Variants in NUP98 observed in about 807,000 individuals in gnomAD.
The protein encoded by NUP98 is nucleoporin 98 and 96 precursor.
A neutral mutation model predicts 191.9 loss-of-function variants in NUP98; 26 were observed. The observed-to-expected ratio is 0.14, with a 90% confidence interval of 0.10 to 0.19. NUP98 has a LOEUF of 0.19. NUP98 is among the 10% of genes least tolerant of loss of function. The probability of loss-of-function intolerance (pLI) is 1.00; values close to 1 mark genes in which losing one functional copy is unlikely to be tolerated. For missense variants in NUP98, 1,941 were observed against 2,178.8 expected (o/e 0.89, Z 2.17); for synonymous variants, 808 against 778.4 (o/e 1.04, Z -0.63).
Position 3,675,745 on chromosome 11 carries a change from A to G in NUP98, c.*414T>C, listed in dbSNP as rs1022067874. 5 of 302,536 alleles carry G rather than the reference A, an allele frequency of 1.7e-5. No individual in the cohort carries two copies. The highest frequency in any genetic ancestry group is 9.3e-5 in the Admixed American group (2 of 21,592). The allele number at this position is 302,536 out of a possible 1,614,324, so 18.7% of individuals were successfully genotyped here. ...GTTCATCTGTTAAGGATCCATTATCACCTGTCTCACTCCTCCTAAGGAGTC... is the reference window on the plus strand; with the variant it reads ...GTTCATCTGTTAAGGATCCATTATCGCCTGTCTCACTCCTCCTAAGGAGTC... On this transcript the variant is annotated 3_prime_UTR_variant, in exon 33 of 33. Transcript: ENST00000324932.
At chr11:3,747,071 G>A (rs7101445) in intron 11 of NUP98, among the ~76,000 whole-genome samples, 4 of 151,964 alleles carry the variant, frequency 2.6e-5, no homozygotes, top group East Asian at 1.9e-4. Flanking sequence ...AATGAAAGAA[G>A]TAATGGTCCA....
intron 1 of NUP98, among the ~76,000 whole-genome samples, chr11:3,793,913 G>A (rs938526358): frequency 6.6e-6 from 1 of 152,074 alleles, no homozygotes; most frequent in African/African-American, 2.4e-5. Flanking sequence ...AGGTTGCGGT[G>A]AGCCAAGATC....
intron 1 of NUP98, among the ~76,000 whole-genome samples, chr11:3,791,349 A>G (rs2082340824): frequency 6.6e-6 from 1 of 151,160 alleles, no homozygotes; most frequent in African/African-American, 2.4e-5. Flanking sequence ...CCTGGCCAAC[A>G]TGGTGAAACC....
intron 12 of NUP98, among the ~76,000 whole-genome samples, chr11:3,741,949 G>C (rs1316905221): frequency 1.3e-5 from 2 of 152,184 alleles, no homozygotes; most frequent in African/African-American, 4.8e-5. Flanking sequence ...TCAAAGGTTA[G>C]CCTTCATATT....
intron 31 of NUP98, among the ~76,000 whole-genome samples, chr11:3,677,153 T>C (rs562398810): frequency 5.1e-4 from 77 of 152,220 alleles, no homozygotes; most frequent in African/African-American, 1.8e-3. Context: ...ACAAGCCATG[T>C]AGATAATTTA....
rs769633762 is a variant in NUP98 at position 3,679,494 on chromosome 11, C to G, written c.5073+60G>C. 1.1e-5 allele frequency: 18 copies of G among 1,587,250 alleles called. No homozygotes were observed. The Admixed American group carries it at 2.0e-4, about 18-fold the overall frequency. ...TGTATACTAAGGCCTTGTGAGGTAT[C>G]TGAAGATTTAAGGGCCTGAGAAAAG... On this transcript the variant is annotated intron_variant, in intron 31 of 32. Coordinates refer to ENST00000324932, the MANE Select transcript of NUP98 (RefSeq NM_016320.5).
intron 2 of NUP98, chr11:3,781,503 A>C (rs1363956745): frequency 1.3e-4 from 19 of 149,404 alleles, no homozygotes; most frequent in African/African-American, 3.4e-4. Flanking sequence ...AAAAAAAAAA[A>C]AAAAAAAAAA....
At position 3,723,363 on chromosome 11, in the gene NUP98, G is replaced by T; in HGVS notation, c.1940C>A (p.Ala647Asp). ...LVSHFYTNPI[A>D]KPIPQTPESA... ...TTCTGGGGTTTGAGGAATAGGTTTG[G>T]CAATAGGGTTAGTATAAAAATGTGA... The change falls in exon 16 of 33, where the codon GCC (alanine) becomes GAC (aspartate). Residue 647 changes from alanine (A) to aspartate (D), a missense_variant. Ala to Asp is a moderately radical substitution (Grantham distance 126, BLOSUM62 -2). Coordinates refer to ENST00000324932, the MANE Select transcript of NUP98 (RefSeq NM_016320.5). The T allele has an allele frequency of 6.2e-7, 1 of 1,613,992 alleles. No homozygotes were observed. The highest frequency in any genetic ancestry group is 8.5e-7 in the Non-Finnish European group (1 of 1,179,960).
Position 3,753,327 on chromosome 11 carries a change from C to A in NUP98, c.1256G>T (p.Gly419Val). The A allele has an allele frequency of 6.2e-7, 1 of 1,613,850 alleles. No individual in the cohort carries two copies. The highest frequency in any genetic ancestry group is 8.5e-7 in the Non-Finnish European group (1 of 1,179,802). ...PGTLGTGLGA[G>V]FGTALGAGQA... ...TAGCAGTTTCTTACCTGTTCCAAATCCTGCACCAAGCCCAGTTCCAAGAGT... is the reference window on the plus strand; with the variant it reads ...TAGCAGTTTCTTACCTGTTCCAAATACTGCACCAAGCCCAGTTCCAAGAGT... The change falls in exon 11 of 33, where the codon GGA (glycine) becomes GTA (valine). Residue 419 changes from glycine to valine, a missense_variant. By Grantham distance (109) the Gly-to-Val change is moderately radical. Transcript: ENST00000324932.
chr11:3,778,787 T>C, intron 4 of NUP98, 86 bp downstream of exon 4: 1 of 1,388,972 alleles, frequency 7.2e-7, no homozygotes, highest in Non-Finnish European at 9.9e-7. Flanking sequence ...AGAAGGTAGA[T>C]GAACACAGAA....
At position 3,723,315 on chromosome 11, in the gene NUP98, T is replaced by G. The variant is rs2134230462; in HGVS notation, c.1988A>C (p.Asn663Thr). ...AATGGTATCATCCACACTGTTGCTGTTGCTGTGTTTATTTCCAGCACTTTC... is the reference window on the plus strand; with the variant it reads ...AATGGTATCATCCACACTGTTGCTGGTGCTGTGTTTATTTCCAGCACTTTC... ...TPESAGNKHS[N>T]SNSVDDTIVA... is the part of the protein sequence containing the mutation. Residue 663 changes from asparagine to threonine, a missense_variant, in exon 16 of 33, where the codon AAC becomes ACC. Asn to Thr is a moderately conservative substitution (Grantham distance 65). Around this residue, in one of 6 missense-constraint regions of NUP98, gnomAD observed 453 missense variants for 438.2 expected, o/e 1.03. Coordinates refer to ENST00000324932, the MANE Select transcript of NUP98 (RefSeq NM_016320.5). 3 of 1,614,196 alleles carry G rather than the reference T, an allele frequency of 1.9e-6. No individual in the cohort carries two copies. Among genetic ancestry groups the G allele is most frequent in the East Asian group, 2.2e-5 (1 of 44,874 alleles).
chr11:3,714,007 A>G lies in NUP98; in HGVS notation c.2400-12T>C. 6.2e-7 allele frequency: 1 copy of G among 1,613,146 alleles called. No homozygotes were observed. On this transcript the variant is annotated splice_polypyrimidine_tract_variant and intron_variant, in intron 18 of 32. Transcript: ENST00000324932. ...TAACTTCAGCCTTCCTGTAAAACAT[A>G]ACCAATTAAAGTAACCAATTAAAGT...
chr11:3,690,941 T>C (rs1263648328), intron 28 of NUP98, among the ~76,000 whole-genome samples: 1 of 152,150 alleles, frequency 6.6e-6, no homozygotes, highest in Non-Finnish European at 1.5e-5. Context: ...GAACATACAG[T>C]ATGATCTCCA....
intron 8 of NUP98, among the ~76,000 whole-genome samples, chr11:3,765,073 G>C (rs1195741547): frequency 6.6e-6 from 1 of 152,184 alleles, no homozygotes; most frequent in Non-Finnish European, 1.5e-5. Context: ...AATTATAAGA[G>C]TTATTTATAC....
chr11:3,775,583 C>A (rs2081690600), intron 5 of NUP98, among the ~76,000 whole-genome samples: 1 of 151,538 alleles, frequency 6.6e-6, no homozygotes, highest in African/African-American at 2.4e-5. Flanking sequence ...AACAGTTGAC[C>A]ATTCAGAAGC....
At chr11:3,717,886 T>C (rs1240534509) in intron 18 of NUP98, among the ~76,000 whole-genome samples, 1 of 152,234 alleles carries the variant, frequency 6.6e-6, no homozygotes, top group African/African-American at 2.4e-5. Context: ...TATGTTTCAC[T>C]GACTTTTGTA....
intron 28 of NUP98, among the ~76,000 whole-genome samples, chr11:3,690,118 AT>A (rs1248015245): frequency 1.3e-5 from 2 of 149,234 alleles, no homozygotes; most frequent in Non-Finnish European, 3.0e-5. Context: ...CACCCAGCTA[AT>A]TTTCGTATTT....
intron 1 of NUP98, among the ~76,000 whole-genome samples, chr11:3,792,803 T>C (rs1384490788): frequency 6.6e-6 from 1 of 152,184 alleles, no homozygotes; most frequent in African/African-American, 2.4e-5. Flanking sequence ...CAGTTTCAGA[T>C]TCCATACTGT....
chr11:3,790,952 G>T (rs2082314881), intron 1 of NUP98, among the ~76,000 whole-genome samples: 1 of 150,544 alleles, frequency 6.6e-6, no homozygotes, highest in Non-Finnish European at 1.5e-5. Flanking sequence ...CTGGAGTGAA[G>T]TGACGCAATC....
Sources: allele counts gnomAD v4.1 joint callset (sites outside exome capture counted in the v4.1 genomes callset), GRCh38; gene constraint gnomAD v4.1.1; regional missense constraint gnomAD v4.1.1; transcripts MANE v1.5; gene names NCBI Gene and HGNC (gene_info 2026-07-23, HGNC 2026-07-21).